RRM2B: variants seen among roughly 807,000 people sequenced by gnomAD.
RRM2B encodes the protein ribonucleoside-diphosphate reductase subunit M2 B.
RRM2B carries 20 observed loss-of-function variants against 45.9 expected under a neutral mutation model. The observed-to-expected ratio is 0.44, with a 90% CI of 0.31 to 0.63. The LOEUF is 0.63. Ranked by LOEUF, RRM2B falls within the 30% of genes least tolerant of loss-of-function variation. The probability of loss-of-function intolerance (pLI) is 0.09; values close to 1 mark genes in which losing one functional copy is unlikely to be tolerated. For synonymous variants in RRM2B, 124 were observed against 132.3 expected (o/e 0.94, Z 0.43); for missense variants, 320 against 414.7 (o/e 0.77, Z 1.98).
rs60059243 is a variant in RRM2B at position 102,215,944 on chromosome 8, C to CAAAAAAAAA, written c.685-1795_685-1787dup. On this transcript the variant is annotated intron_variant, in intron 6 of 8. Coordinates refer to ENST00000251810, the MANE Select transcript of RRM2B (RefSeq NM_015713.5). ...TGGGTGACAGAGAAAGACCCTGTCT[C>CAAAAAAAAA]AAAAAAAAAAAAAAAAAAAAAAGAA... is the stretch of plus-strand genomic sequence containing the variant. Among the ~76,000 whole-genome samples, 114 of 75,660 alleles carry CAAAAAAAAA rather than the reference C, an allele frequency of 1.5e-3. 2 individuals carry two copies. Among genetic ancestry groups the CAAAAAAAAA allele is most frequent in the African/African-American group, 2.1e-3 (37 of 17,258 alleles). The allele number at this position is 75,660 out of a possible 152,430, so 49.6% of individuals were successfully genotyped here. A position where few individuals can be genotyped will look rare whatever the true frequency, so the allele number is the denominator to read the frequency against.
intron 2 of RRM2B, among the ~76,000 whole-genome samples, chr8:102,226,770 G>A (rs936218507): frequency 1.3e-5 from 2 of 152,174 alleles, no homozygotes; most frequent in African/African-American, 2.4e-5. Context: ...CTAGAGTGCA[G>A]TGGCATGATC....
intron 5 of RRM2B, among the ~76,000 whole-genome samples, chr8:102,222,250 A>G (rs1014827797): frequency 6.6e-6 from 1 of 151,906 alleles, no homozygotes; most frequent in Non-Finnish European, 1.5e-5. Context: ...TAGTTTTTAA[A>G]TTTGTTGTAG....
At chr8:102,228,195 C>T (rs28998470) in intron 2 of RRM2B, among the ~76,000 whole-genome samples, 3 of 152,254 alleles carry the variant, frequency 2.0e-5, no homozygotes, top group African/African-American at 7.2e-5. Flanking sequence ...TCAGAGACTA[C>T]GGTTGGATGT....
chr8:102,219,337 G>C (rs1202153563), intron 5 of RRM2B, among the ~76,000 whole-genome samples: 1 of 152,190 alleles, frequency 6.6e-6, no homozygotes, highest in Non-Finnish European at 1.5e-5. Flanking sequence ...TATGACAAGT[G>C]TCTTCCTCTG....
intron 1 of RRM2B, among the ~76,000 whole-genome samples, chr8:102,235,147 CTAGAT>C (rs1184667184): frequency 3.3e-5 from 5 of 152,010 alleles, no homozygotes; most frequent in African/African-American, 1.2e-4. Context: ...AGAAACATTG[CTAGAT>C]TAGAAGAGAA....
Position 102,212,779 on chromosome 8 carries a change from T to C in RRM2B, c.900A>G (p.Ser300=). The C allele has an allele frequency of 6.5e-7, 1 of 1,542,094 alleles. No individual in the cohort carries two copies. The highest frequency in any genetic ancestry group is 9.0e-7 in the Non-Finnish European group (1 of 1,114,586). The part of the protein sequence containing the change: ...ADRLLVELGF[S]KVFQAENPFD... ...AACACATTTTTAAACACATTACCTTTGAGAATCCAAGTTCCACAAGTAATC... is the reference window on the plus strand; with the variant it reads ...AACACATTTTTAAACACATTACCTTCGAGAATCCAAGTTCCACAAGTAATC... Residue 300 remains serine (S), a synonymous_variant, in exon 8 of 9, where the codon TCA becomes TCG. Coordinates refer to ENST00000251810, the MANE Select transcript of RRM2B (RefSeq NM_015713.5).
chr8:102,234,495 C>A (rs979525357), intron 1 of RRM2B, among the ~76,000 whole-genome samples: 1 of 151,988 alleles, frequency 6.6e-6, no homozygotes, highest in African/African-American at 2.4e-5. Flanking sequence ...CTAGGCTCTC[C>A]ACAGTACCCT....
In RRM2B at chr8:102,205,884, T is replaced by C. The variant is rs1810536590; in HGVS notation, c.*2249A>G. ...CATTAAAAATCCAGTATGTCAGTAT[T>C]AAGACTTCTTCATCCAAATCCAGTT... On this transcript the variant is annotated 3_prime_UTR_variant, in exon 9 of 9. Coordinates refer to ENST00000251810, the MANE Select transcript of RRM2B (RefSeq NM_015713.5). 1 of 152,092 alleles carries C rather than the reference T, an allele frequency of 6.6e-6. No individual in the cohort carries two copies. Among genetic ancestry groups the C allele is most frequent in the Admixed American group, 6.6e-5 (1 of 15,266 alleles). 9.4% of individuals were successfully genotyped at this position (152,092 alleles called of 1,614,324 possible).
At chr8:102,222,005 T>TA (rs1487741563) in intron 5 of RRM2B, among the ~76,000 whole-genome samples, 2 of 152,116 alleles carry the variant, frequency 1.3e-5, no homozygotes, top group Non-Finnish European at 2.9e-5. Context: ...GCAGGATTCT[T>TA]AAAAGTTTTT....
Position 102,207,749 on chromosome 8 carries a change from T to C in RRM2B, c.*384A>G, listed in dbSNP as rs1429708155. ...ATTTATTTTTGCATCCTAATCCTAATATCCACTCTATGAATTTAGGACCTA... is the reference window on the plus strand; with the variant it reads ...ATTTATTTTTGCATCCTAATCCTAACATCCACTCTATGAATTTAGGACCTA... On this transcript the variant is annotated 3_prime_UTR_variant, in exon 9 of 9. Coordinates refer to ENST00000251810, the MANE Select transcript of RRM2B (RefSeq NM_015713.5). 1 of 173,058 alleles carries C rather than the reference T, an allele frequency of 5.8e-6. No homozygotes were observed. Among genetic ancestry groups the C allele is most frequent in the Non-Finnish European group, 1.3e-5 (1 of 79,716 alleles). 10.7% of individuals were successfully genotyped at this position (173,058 alleles called of 1,614,324 possible).
chr8:102,215,030 T>G, intron 6 of RRM2B, among the ~76,000 whole-genome samples: 1 of 86,612 alleles, frequency 1.2e-5, no homozygotes, highest in Admixed American at 1.4e-4. Flanking sequence ...GAATAGATAG[T>G]ATAGAGCTAA....
chr8:102,238,875 C>T lies in RRM2B; in HGVS notation c.-1G>A. 6.2e-7 allele frequency: 1 copy of T among 1,611,740 alleles called. No individual in the cohort carries two copies. Among genetic ancestry groups the T allele is most frequent in the Non-Finnish European group, 8.5e-7 (1 of 1,179,880 alleles). On this transcript the variant is annotated 5_prime_UTR_variant, in exon 1 of 9. Coordinates refer to ENST00000251810, the MANE Select transcript of RRM2B (RefSeq NM_015713.5). ...CTTCCGGCCTTTCCGGGTCGCCCAT[C>T]GCGCAGACTCCGCCGAAGCTACGGG...
intron 1 of RRM2B, chr8:102,234,767 T>G: frequency 6.5e-6 from 1 of 153,766 alleles, no homozygotes; most frequent in South Asian, 2.0e-4. Context: ...GGAGAATCAC[T>G]TGAACCCAGA....
intron 2 of RRM2B, among the ~76,000 whole-genome samples, chr8:102,229,108 C>T (rs1810983828): frequency 6.6e-6 from 1 of 152,164 alleles, no homozygotes; most frequent in South Asian, 2.1e-4. Context: ...ACAAAATTAG[C>T]TAGGCATGGT....
At chr8:102,230,625 C>G (rs1811011121) in intron 2 of RRM2B, among the ~76,000 whole-genome samples, 1 of 152,134 alleles carries the variant, frequency 6.6e-6, no homozygotes, top group East Asian at 1.9e-4. Flanking sequence ...GTTTTTTGCT[C>G]TATATGTCAA....
At chr8:102,215,786 C>A (rs1484980138) in intron 6 of RRM2B, among the ~76,000 whole-genome samples, 1 of 151,590 alleles carries the variant, frequency 6.6e-6, no homozygotes, top group Non-Finnish European at 1.5e-5. Flanking sequence ...GTCTACAAAA[C>A]TTTTTTAATT....
At chr8:102,213,123 C>G (rs992305926) in intron 7 of RRM2B, among the ~76,000 whole-genome samples, 1 of 152,044 alleles carries the variant, frequency 6.6e-6, no homozygotes. Flanking sequence ...AAACGAACTA[C>G]CAAATTACTG....
Position 102,232,198 on chromosome 8 carries a change from A to G in RRM2B, c.155T>C (p.Ile52Thr). The change falls in exon 2 of 9, where the codon ATT (isoleucine) becomes ACT (threonine). Residue 52 changes from isoleucine (I) to threonine (T), a missense_variant. Around this residue, in one of 3 missense-constraint regions of RRM2B, gnomAD observed 225 missense variants for 289.4 expected, o/e 0.78. Coordinates refer to ENST00000251810, the MANE Select transcript of RRM2B (RefSeq NM_015713.5). ...FVIFPIQYPD[I>T]WKMYKQAQAS... is the part of the protein sequence containing the mutation. ...CTGTGCCTGTTTATACATTTTCCAA[A>G]TATCAGGGTACTGGATTGGAAAGAT... 1 of 1,614,190 alleles carries G rather than the reference A, an allele frequency of 6.2e-7. No homozygotes were observed. The highest frequency in any genetic ancestry group is 8.5e-7 in the Non-Finnish European group (1 of 1,180,008).
At chr8:102,211,379 C>A (rs1315932827) in intron 8 of RRM2B, among the ~76,000 whole-genome samples, 1 of 152,212 alleles carries the variant, frequency 6.6e-6, no homozygotes, top group African/African-American at 2.4e-5. Flanking sequence ...CATTAAAAAT[C>A]TAAGGCCTCT....
Sources: allele counts gnomAD v4.1 joint callset (sites outside exome capture counted in the v4.1 genomes callset), GRCh38; gene constraint gnomAD v4.1.1; regional missense constraint gnomAD v4.1.1; transcripts MANE v1.5; gene names NCBI Gene and HGNC (gene_info 2026-07-23, HGNC 2026-07-21).